The following EYS variants were observed in gnomAD, a reference collection of about 807,000 sequenced individuals.
EYS encodes the protein EGF-like photoreceptor maintenance factor, also known as protein eyes shut homolog.
Under a neutral mutation model 282.1 loss-of-function variants are expected in EYS, and 250 were observed. The ratio of observed to expected loss-of-function variants is 0.89; its 90% CI spans 0.80 to 0.98. The LOEUF (loss-of-function observed/expected upper bound fraction) is 0.98, where lower values mean the gene tolerates loss of function less well. Ranked by LOEUF, EYS falls within the 50% of genes least tolerant of loss-of-function variation. The pLI is 0.00. For synonymous variants in EYS, 1,355 were observed against 1,282.9 expected (o/e 1.06, Z -1.20); for missense variants, 4,016 against 3,709.0 (o/e 1.08, Z -2.15).
At chr6:64,350,652 A>C (rs1278679674) in intron 29 of EYS, among the ~76,000 whole-genome samples, 1 of 151,638 alleles carries the variant, frequency 6.6e-6, no homozygotes, top group Non-Finnish European at 1.5e-5. Flanking sequence ...GTCTCTAAGA[A>C]GGATTCAGCG....
chr6:65,051,191 A>C (rs1773257928), intron 13 of EYS, among the ~76,000 whole-genome samples: 1 of 151,566 alleles, frequency 6.6e-6, no homozygotes. Context: ...GAAAACTTTT[A>C]TATTTTAGAA....
In EYS at chr6:65,202,905, G is replaced by A. The variant is rs928206102; in HGVS notation, c.2023+92958C>T. Among the ~76,000 whole-genome samples the A allele has an allele frequency of 1.7e-4, 26 of 152,222 alleles. 1 individual carries two copies. Among genetic ancestry groups the A allele is most frequent in the Non-Finnish European group, 1.6e-4 (11 of 68,010 alleles). ...CACCTCCAACCCTTTCTGGAGGGTC[G>A]TCCATGAGGCCTGAGAGCTTCCACT... On this transcript the variant is annotated intron_variant, in intron 12 of 42. Coordinates refer to ENST00000503581, the MANE Select transcript of EYS (RefSeq NM_001142800.2).
intron 5 of EYS, 66 bp from the exon 6 acceptor site, chr6:65,405,433 T>G: frequency 5.7e-6 from 7 of 1,227,672 alleles, no homozygotes; most frequent in East Asian, 2.3e-5. Flanking sequence ...TGAGCATAGA[T>G]ATGTAGCAAA....
chr6:64,882,490 A>G (rs1766954893), intron 19 of EYS, among the ~76,000 whole-genome samples: 1 of 151,780 alleles, frequency 6.6e-6, no homozygotes, highest in Non-Finnish European at 1.5e-5. Context: ...ACATTAACAG[A>G]AAAAGGAAAT....
At chr6:64,628,379 A>G in intron 22 of EYS, among the ~76,000 whole-genome samples, 1 of 152,066 alleles carries the variant, frequency 6.6e-6, no homozygotes, top group East Asian at 1.9e-4. Flanking sequence ...TGAATATCAT[A>G]AATTGTTCTT....
chr6:65,382,860 C>T (rs1765669711), intron 8 of EYS, among the ~76,000 whole-genome samples: 1 of 151,904 alleles, frequency 6.6e-6, no homozygotes, highest in African/African-American at 2.4e-5. Flanking sequence ...CTCCCTTCCC[C>T]AGCCCACCAA....
chr6:65,207,974 T>C (rs1434353424), intron 12 of EYS, among the ~76,000 whole-genome samples: 2 of 151,696 alleles, frequency 1.3e-5, no homozygotes, highest in African/African-American at 4.8e-5. Context: ...TTATGACTAC[T>C]ACCCTAAAAG....
intron 30 of EYS, among the ~76,000 whole-genome samples, chr6:64,249,927 T>C (rs947558326): frequency 6.6e-6 from 1 of 152,104 alleles, no homozygotes; most frequent in African/African-American, 2.4e-5. Flanking sequence ...GCCTCTCAGG[T>C]ACGAGGCAGA....
At chr6:64,827,138 G>A (rs1473008627) in intron 19 of EYS, among the ~76,000 whole-genome samples, 2 of 151,748 alleles carry the variant, frequency 1.3e-5, no homozygotes, top group African/African-American at 4.8e-5. Flanking sequence ...TCATAGCTAA[G>A]GACCGCTGCT....
intron 24 of EYS, among the ~76,000 whole-genome samples, chr6:64,599,536 A>G (rs1766698589): frequency 6.6e-6 from 1 of 152,326 alleles, no homozygotes; most frequent in South Asian, 2.1e-4. Flanking sequence ...TACAGATTGG[A>G]GGATAGATCA....
chr6:64,370,242 G>A (rs528618614), intron 29 of EYS, among the ~76,000 whole-genome samples: 79 of 152,112 alleles, frequency 5.2e-4, no homozygotes, highest in African/African-American at 1.9e-3. Context: ...GAAGGGATGT[G>A]GATTTTATTG....
chr6:64,215,139 ATAAG>A (rs1213671348), intron 31 of EYS, among the ~76,000 whole-genome samples: 2 of 152,012 alleles, frequency 1.3e-5, no homozygotes, highest in African/African-American at 2.4e-5. Context: ...CTTGAGAGTA[ATAAG>A]TATTTATGAA....
chr6:65,583,528 G>C (rs1764939432), intron 2 of EYS, among the ~76,000 whole-genome samples: 1 of 151,848 alleles, frequency 6.6e-6, no homozygotes, highest in Non-Finnish European at 1.5e-5. Flanking sequence ...CATTTCATTT[G>C]GATAGCTTTG....
rs147111768 is a variant in EYS at position 65,241,493 on chromosome 6, T to A, written c.2023+54370A>T. Among the ~76,000 whole-genome samples the A allele has an allele frequency of 5.0e-4, 76 of 152,246 alleles. No individual in the cohort carries two copies. In the East Asian group the frequency reaches 0.013, roughly 27 times the overall value. On this transcript the variant is annotated intron_variant, in intron 12 of 42. Coordinates refer to ENST00000503581, the MANE Select transcript of EYS (RefSeq NM_001142800.2). ...TAATCCACTCCAACACCCACTTTTT[T>A]AAAATCAAGACCCACCTAATTTTCT... is the stretch of plus-strand genomic sequence containing the variant.
chr6:64,093,400 T>G (rs546899947), intron 31 of EYS, among the ~76,000 whole-genome samples: 1 of 152,290 alleles, frequency 6.6e-6, no homozygotes, highest in South Asian at 2.1e-4. Context: ...GGAATGTTCT[T>G]CTATGTGTTT....
intron 12 of EYS, among the ~76,000 whole-genome samples, chr6:65,213,859 A>T (rs949878738): frequency 2.0e-5 from 3 of 152,046 alleles, no homozygotes; most frequent in African/African-American, 7.2e-5. Flanking sequence ...AAGCATGGTG[A>T]GGAAGGGATA....
intron 22 of EYS, among the ~76,000 whole-genome samples, chr6:64,669,810 A>T (rs1331759442): frequency 6.6e-6 from 1 of 152,212 alleles, no homozygotes; most frequent in African/African-American, 2.4e-5. Context: ...AGTGATAATT[A>T]TACTGACATG....
Position 65,402,473 on chromosome 6 carries a change from T to A in EYS, c.1184+5A>T. On this transcript the variant is annotated splice_donor_5th_base_variant and intron_variant, in intron 7 of 42. Transcript: ENST00000503581. ...TATTAAAAATAAACAGAAAATTAAT[T>A]ATACCTGCAAGGATAATCTTTCTCA... 2 of 1,480,000 alleles carry A rather than the reference T, an allele frequency of 1.4e-6. No homozygotes were observed. Among genetic ancestry groups the A allele is most frequent in the Non-Finnish European group, 1.9e-6 (2 of 1,060,042 alleles). 91.7% of individuals were successfully genotyped at this position (1,480,000 alleles called of 1,614,324 possible).
intron 2 of EYS, among the ~76,000 whole-genome samples, chr6:65,535,588 A>T (rs1370444497): frequency 6.6e-6 from 1 of 152,296 alleles, no homozygotes; most frequent in East Asian, 1.9e-4. Flanking sequence ...TGTCTTTATT[A>T]GTAGCATGAG....
Sources: allele counts gnomAD v4.1 joint callset (sites outside exome capture counted in the v4.1 genomes callset), GRCh38; gene constraint gnomAD v4.1.1; transcripts MANE v1.5; gene names NCBI Gene and HGNC (gene_info 2026-07-23, HGNC 2026-07-21).